FBLN5: variants seen among roughly 807,000 people sequenced by gnomAD.
The protein encoded by FBLN5 is fibulin-5.
Under a neutral mutation model 61.6 loss-of-function variants are expected in FBLN5, and 24 were observed. The observed-to-expected ratio is 0.39, with a 90% CI of 0.28 to 0.55. FBLN5 has a LOEUF of 0.55. Ranked by LOEUF, FBLN5 falls within the 20% of genes least tolerant of loss-of-function variation. The pLI, the probability that FBLN5 is intolerant of heterozygous loss-of-function variation, is 0.65. For missense variants in FBLN5, 470 were observed against 594.1 expected, an observed-to-expected ratio of 0.79 and a Z score of 2.17; for synonymous variants, 213 against 219.8, an observed-to-expected ratio of 0.97 and a Z score of 0.27.
intron 10 of FBLN5, among the ~76,000 whole-genome samples, chr14:91,875,021 G>A (rs1444230719): frequency 6.6e-6 from 1 of 151,896 alleles, no homozygotes; most frequent in East Asian, 1.9e-4. Flanking sequence ...GTAGAGACAG[G>A]GTCTCACTAT....
intron 6 of FBLN5, among the ~76,000 whole-genome samples, chr14:91,890,364 G>A (rs1889934757): frequency 6.6e-6 from 1 of 152,224 alleles, no homozygotes. Context: ...GCCCTGCAAA[G>A]CCTGAGGTCT....
chr14:91,926,272 C>T (rs1473308261), intron 4 of FBLN5, among the ~76,000 whole-genome samples: 1 of 152,190 alleles, frequency 6.6e-6, no homozygotes, highest in Non-Finnish European at 1.5e-5. Context: ...GGCCTCTGTG[C>T]CTCCATGCTC....
At chr14:91,883,099 C>T in intron 7 of FBLN5, 23 bp from the exon 8 acceptor site, 1 of 1,612,934 alleles carries the variant, frequency 6.2e-7, no homozygotes, top group Admixed American at 1.7e-5. Context: ...GTCACACCTG[C>T]TGTTTGTAAT....
At chr14:91,879,134 C>T (rs1031344302) in intron 9 of FBLN5, among the ~76,000 whole-genome samples, 2 of 152,108 alleles carry the variant, frequency 1.3e-5, no homozygotes, top group Non-Finnish European at 1.5e-5. Context: ...AAAATGGCCA[C>T]AATAAAGTAT....
chr14:91,886,628 C>T (rs538982721), intron 7 of FBLN5, among the ~76,000 whole-genome samples: 1 of 152,278 alleles, frequency 6.6e-6, no homozygotes, highest in East Asian at 1.9e-4. Flanking sequence ...ATTCAACATT[C>T]AATCATTTAT....
At chr14:91,889,458 C>T in intron 6 of FBLN5, among the ~76,000 whole-genome samples, 1 of 152,226 alleles carries the variant, frequency 6.6e-6, no homozygotes. Flanking sequence ...CCCACTCCAA[C>T]CTGTTGGACA....
chr14:91,894,565 T>C (rs907328155), intron 5 of FBLN5, among the ~76,000 whole-genome samples: 3 of 150,814 alleles, frequency 2.0e-5, no homozygotes, highest in South Asian at 2.1e-4. Context: ...GTACAAAAAA[T>C]ACAAAAATTA....
At chr14:91,876,407 GGGTA>G (rs1889164065) in intron 10 of FBLN5, among the ~76,000 whole-genome samples, 1 of 152,208 alleles carries the variant, frequency 6.6e-6, no homozygotes, top group Non-Finnish European at 1.5e-5. Context: ...GCAGTATGCT[GGGTA>G]GTAGCCCCCA....
At chr14:91,879,475 G>A (rs553229944) in intron 9 of FBLN5, among the ~76,000 whole-genome samples, 15 of 152,296 alleles carry the variant, frequency 9.8e-5, no homozygotes, top group African/African-American at 3.6e-4. Flanking sequence ...TGGAGTGAGG[G>A]AGTCACGGAG....
chr14:91,938,482 A>C (rs7143190), intron 3 of FBLN5: 1 of 152,376 alleles, frequency 6.6e-6, no homozygotes, highest in African/African-American at 2.4e-5. Flanking sequence ...CAAAAAAAAG[A>C]AAAAAGAAAA....
intron 4 of FBLN5, among the ~76,000 whole-genome samples, chr14:91,918,002 GCC>G (rs954178677): frequency 1.3e-5 from 2 of 152,092 alleles, no homozygotes; most frequent in Non-Finnish European, 2.9e-5. Context: ...TGAAGCCCCT[GCC>G]CCCCAACCCA....
chr14:91,939,398 G>A (rs561823436), intron 3 of FBLN5, among the ~76,000 whole-genome samples: 92 of 147,978 alleles, frequency 6.2e-4, no homozygotes, highest in Non-Finnish European at 1.1e-3. Flanking sequence ...GGAGTACAGT[G>A]GTGCGATCTC....
At chr14:91,926,496 G>A (rs1437364421) in intron 4 of FBLN5, among the ~76,000 whole-genome samples, 1 of 152,204 alleles carries the variant, frequency 6.6e-6, no homozygotes, top group African/African-American at 2.4e-5. Context: ...CAGAGTCTAA[G>A]AGGGCCCCAG....
At chr14:91,907,189 A>G (rs946112163) in intron 4 of FBLN5, among the ~76,000 whole-genome samples, 1 of 152,196 alleles carries the variant, frequency 6.6e-6, no homozygotes, top group Non-Finnish European at 1.5e-5. Flanking sequence ...TAATATGTGC[A>G]ATGTCCGGGT....
chr14:91,942,780 C>T, intron 2 of FBLN5, 127 bp downstream of exon 2: 2 of 694,502 alleles, frequency 2.9e-6, no homozygotes. Flanking sequence ...GAATGAAGAG[C>T]TCAGATGAGG....
At chr14:91,945,734 A>G (rs546884299) in intron 1 of FBLN5, among the ~76,000 whole-genome samples, 1 of 152,252 alleles carries the variant, frequency 6.6e-6, no homozygotes, top group East Asian at 1.9e-4. Flanking sequence ...CGAGTCCCCA[A>G]TCCAAAAAAT....
intron 5 of FBLN5, 43 bp from the exon 6 acceptor site, chr14:91,891,380 T>G (rs769710145): frequency 8.3e-7 from 1 of 1,209,614 alleles, no homozygotes; most frequent in Non-Finnish European, 1.2e-6. Context: ...GTCTCCTCAC[T>G]CAATGATGCC....
intron 4 of FBLN5, among the ~76,000 whole-genome samples, chr14:91,896,083 T>C (rs2244158): frequency 0.82 from 124,679 of 152,070 alleles, 52,222 homozygotes; most frequent in Admixed American, 0.92. Context: ...ATATTCATGG[T>C]CATTCCCAAG....
chr14:91,931,777 G>A (rs1293381419), intron 4 of FBLN5, among the ~76,000 whole-genome samples: 1 of 152,186 alleles, frequency 6.6e-6, no homozygotes, highest in East Asian at 1.9e-4. Context: ...AGCCCCCAAG[G>A]GAATGAGTTG....
Sources: allele counts gnomAD v4.1 joint callset (sites outside exome capture counted in the v4.1 genomes callset), GRCh38; gene constraint gnomAD v4.1.1; transcripts MANE v1.5; gene names NCBI Gene and HGNC (gene_info 2026-07-23, HGNC 2026-07-21).